CNTN1: variants seen among roughly 807,000 people sequenced by gnomAD.
CNTN1 encodes contactin-1.
In CNTN1, 38 loss-of-function variants were observed where a neutral mutation model predicts 126.4. The ratio of observed to expected loss-of-function variants is 0.30; its 90% CI spans 0.23 to 0.39. CNTN1 has a LOEUF of 0.39. CNTN1 is among the 10% of genes least tolerant of loss of function. The probability of loss-of-function intolerance (pLI) is 1.00; values close to 1 mark genes in which losing one functional copy is unlikely to be tolerated. For missense variants in CNTN1, 1,009 were observed against 1,248.4 expected (o/e 0.81, Z 2.89); for synonymous variants, 413 against 422.6 (o/e 0.98, Z 0.28).
In CNTN1 at chr12:41,004,724, T is replaced by C. The variant is rs188216424; in HGVS notation, c.2114-9504T>C. Among the ~76,000 whole-genome samples, 176 of 152,320 alleles carry C rather than the reference T, an allele frequency of 1.2e-3. No homozygotes were observed. The South Asian group carries it at 0.012, about 10-fold the overall frequency. ...TTTTTTTATCTTTATTGGTTAAAAG[T>C]CTGTTTTGTCAGAAACTAGGATTGC... On this transcript the variant is annotated intron_variant, in intron 17 of 23. Coordinates refer to ENST00000551295, the MANE Select transcript of CNTN1 (RefSeq NM_001843.4).
chr12:41,072,170 A>T lies in CNTN1; in HGVS notation c.*2135A>T, dbSNP rs1372485258. The T allele has an allele frequency of 6.6e-6, 1 of 152,218 alleles. No individual in the cohort carries two copies. The highest frequency in any genetic ancestry group is 6.5e-5 in the Admixed American group (1 of 15,282). The allele number at this position is 152,218 out of a possible 1,614,324, so 9.4% of individuals were successfully genotyped here. ...TTTTAAACTGTTGTCAAGCTAACTA[A>T]TAATCATCTGCTTTAAGACGCAAGA... On this transcript the variant is annotated 3_prime_UTR_variant, in exon 24 of 24. Coordinates refer to ENST00000551295, the MANE Select transcript of CNTN1 (RefSeq NM_001843.4).
intron 1 of CNTN1, among the ~76,000 whole-genome samples, chr12:40,819,907 A>AG (rs933281265): frequency 1.3e-5 from 2 of 151,940 alleles, no homozygotes; most frequent in African/African-American, 2.4e-5. Flanking sequence ...GGCTCGGGGG[A>AG]GGGGGTTCCC....
chr12:40,936,660 T>A, intron 9 of CNTN1, 121 bp from the exon 10 acceptor site: 1 of 1,213,926 alleles, frequency 8.2e-7, no homozygotes, highest in Non-Finnish European at 1.2e-6. Context: ...GAGTTCAGGA[T>A]GCATACACTA....
intron 23 of CNTN1, among the ~76,000 whole-genome samples, chr12:41,060,193 A>AGAAGC (rs1949910069): frequency 6.6e-6 from 1 of 152,194 alleles, no homozygotes; most frequent in African/African-American, 2.4e-5. Context: ...ACAAAAAAAG[A>AGAAGC]GAAGCAAAGC....
intron 1 of CNTN1, among the ~76,000 whole-genome samples, chr12:40,738,289 C>T (rs940475613): frequency 6.6e-6 from 1 of 151,870 alleles, no homozygotes; most frequent in Admixed American, 6.6e-5. Context: ...AAAACTATTC[C>T]ACAAATGGCA....
chr12:40,830,832 T>TATATATATATATAC (rs1555165566), intron 1 of CNTN1, among the ~76,000 whole-genome samples: 3 of 88,690 alleles, frequency 3.4e-5, no homozygotes, highest in Non-Finnish European at 4.5e-5. Context: ...TATATATATA[T>TATATATATATATAC]ATACTCTTTA....
intron 23 of CNTN1, among the ~76,000 whole-genome samples, chr12:41,067,926 T>TA (rs1005995461): frequency 2.0e-5 from 3 of 152,066 alleles, no homozygotes; most frequent in Non-Finnish European, 4.4e-5. Flanking sequence ...AAGTAGAAGA[T>TA]AAAAAAAATT....
intron 1 of CNTN1, among the ~76,000 whole-genome samples, chr12:40,869,593 T>C (rs190068904): frequency 1.1e-4 from 17 of 152,222 alleles, no homozygotes; most frequent in Non-Finnish European, 1.5e-4. Context: ...TATATACATA[T>C]ATTATTATAG....
chr12:41,041,778 T>A (rs1195061630), intron 23 of CNTN1, among the ~76,000 whole-genome samples: 1 of 152,172 alleles, frequency 6.6e-6, no homozygotes, highest in Non-Finnish European at 1.5e-5. Flanking sequence ...TTATCATTTT[T>A]TATTGCGTCT....
At chr12:40,820,766 A>C (rs1941418165) in intron 1 of CNTN1, among the ~76,000 whole-genome samples, 1 of 152,188 alleles carries the variant, frequency 6.6e-6, no homozygotes, top group African/African-American at 2.4e-5. Flanking sequence ...CACCTGATGC[A>C]TGGCTAATAC....
At chr12:40,975,470 G>A (rs185087316) in intron 15 of CNTN1, among the ~76,000 whole-genome samples, 11 of 151,880 alleles carry the variant, frequency 7.2e-5, no homozygotes, top group South Asian at 2.1e-4. Context: ...GTAGCTGTTC[G>A]TAAACTTGTT....
intron 23 of CNTN1, among the ~76,000 whole-genome samples, chr12:41,059,316 T>C (rs1354670755): frequency 1.3e-5 from 2 of 152,166 alleles, no homozygotes; most frequent in Non-Finnish European, 2.9e-5. Context: ...CCCAGTTTTA[T>C]CCTGAGAAAG....
intron 1 of CNTN1, among the ~76,000 whole-genome samples, chr12:40,813,700 G>T (rs1314481845): frequency 1.3e-5 from 2 of 152,050 alleles, no homozygotes; most frequent in Non-Finnish European, 2.9e-5. Context: ...ATTCCTTTGG[G>T]TATATACCCA....
At chr12:40,881,876 T>C (rs541754780) in intron 1 of CNTN1, among the ~76,000 whole-genome samples, 1 of 152,050 alleles carries the variant, frequency 6.6e-6, no homozygotes, top group South Asian at 2.1e-4. Flanking sequence ...TTGACTTGCT[T>C]TCTATATGTT....
chr12:41,017,181 T>C (rs1377386919), intron 19 of CNTN1, among the ~76,000 whole-genome samples: 1 of 152,036 alleles, frequency 6.6e-6, no homozygotes, highest in Non-Finnish European at 1.5e-5. Context: ...CTGACTTCCA[T>C]TTTTGGGCTC....
Position 40,760,835 on chromosome 12 carries a change from GCACA to G in CNTN1, c.-77+68261_-77+68264del, listed in dbSNP as rs1165228762. Among the ~76,000 whole-genome samples, 11 of 150,558 alleles carry G rather than the reference GCACA, an allele frequency of 7.3e-5. 1 individual carries two copies. The highest frequency in any genetic ancestry group is 2.4e-4 in the African/African-American group (10 of 41,012). On this transcript the variant is annotated intron_variant, in intron 1 of 23. Transcript: ENST00000551295. ...TACATTGTTGGTCTTTCAAAATAAT[GCACA>G]CACACACACACACACACTTCCACTT...
intron 15 of CNTN1, among the ~76,000 whole-genome samples, chr12:40,973,290 T>C (rs1947577731): frequency 6.6e-6 from 1 of 152,076 alleles, no homozygotes; most frequent in East Asian, 1.9e-4. Flanking sequence ...AAACATTGAT[T>C]TATATTTTAA....
rs777616954 is a variant in CNTN1, at chr12:41,027,847, C to G, written c.2711-10C>G. 6.4e-7 allele frequency: 1 copy of G among 1,569,322 alleles called. No individual in the cohort carries two copies. Among genetic ancestry groups the G allele is most frequent in the South Asian group, 1.1e-5 (1 of 90,202 alleles). On this transcript the variant is annotated splice_polypyrimidine_tract_variant and intron_variant, in intron 21 of 23. Coordinates refer to ENST00000551295, the MANE Select transcript of CNTN1 (RefSeq NM_001843.4). ...AGTGACCACTGATTGCATATTACTA[C>G]TTTTCACAGCTCCTAGCCAGCCTCC... is the stretch of plus-strand genomic sequence containing the variant.
intron 17 of CNTN1, among the ~76,000 whole-genome samples, chr12:41,000,936 A>G (rs752380726): frequency 3.3e-5 from 5 of 152,194 alleles, no homozygotes; most frequent in Non-Finnish European, 7.3e-5. Context: ...TTCCTGCTCC[A>G]TCCATGTCCC....
Sources: gnomAD v4.1 joint callset for allele counts (sites outside exome capture counted in the v4.1 genomes callset) on GRCh38, gnomAD v4.1.1 for gene constraint, MANE v1.5 for transcripts, NCBI Gene and HGNC (gene_info 2026-07-23, HGNC 2026-07-21) for gene names.